The following SGK1 variants were observed in gnomAD, a reference collection of about 807,000 sequenced individuals.
SGK1 encodes serum/glucocorticoid regulated kinase 1, also known as serine/threonine-protein kinase Sgk1.
A neutral mutation model predicts 64.2 loss-of-function variants in SGK1; 26 were observed. The observed-to-expected ratio is 0.40, with a 90% CI of 0.30 to 0.56. SGK1 has a LOEUF of 0.56. Among genes scored for constraint, SGK1 ranks in the 20% least tolerant of loss-of-function variants. The pLI, the probability that SGK1 is intolerant of heterozygous loss-of-function variation, is 0.38. For missense variants in SGK1, 519 were observed against 645.6 expected, an observed-to-expected ratio of 0.80 and a Z score of 2.12; for synonymous variants, 265 against 239.7, an observed-to-expected ratio of 1.11 and a Z score of -0.98.
chr6:134,174,875 G>A (rs988784695), intron 3 of SGK1: 1 of 1,607,386 alleles, frequency 6.2e-7, no homozygotes, highest in Non-Finnish European at 8.5e-7. Context: ...GCGCCAGGCC[G>A]CGCGCTCGGC....
rs552922252 is a variant in SGK1 at position 134,174,615 on chromosome 6, A to G, written c.362-29T>C. On this transcript the variant is annotated intron_variant, in intron 3 of 13. Coordinates refer to ENST00000367858, the MANE Select transcript of SGK1 (RefSeq NM_001143676.3). ...TGGATGAAGGAGGAGAAATAAAGAA[A>G]CGTTTAGACGGCTTCATAACGTCCG... The G allele has an allele frequency of 3.1e-6, 5 of 1,609,364 alleles. No individual in the cohort carries two copies. In the South Asian group the frequency reaches 5.5e-5, roughly 18 times the overall value.
intron 3 of SGK1, among the ~76,000 whole-genome samples, chr6:134,206,677 GC>G (rs1775791038): frequency 6.6e-6 from 1 of 151,002 alleles, no homozygotes; most frequent in African/African-American, 2.4e-5. Context: ...GACCAGCCTG[GC>G]TAACATGGTG....
At chr6:134,253,201 A>T (rs1776630777) in intron 2 of SGK1, among the ~76,000 whole-genome samples, 1 of 152,232 alleles carries the variant, frequency 6.6e-6, no homozygotes, top group African/African-American at 2.4e-5. Context: ...GTCAGAATCC[A>T]TCCCAGAATT....
chr6:134,226,382 TTTTTA>T (rs1489318831), intron 2 of SGK1, among the ~76,000 whole-genome samples: 1 of 151,996 alleles, frequency 6.6e-6, no homozygotes, highest in Admixed American at 6.6e-5. Flanking sequence ...CTTTTAAAGA[TTTTTA>T]TTTTGTTTTT....
chr6:134,197,956 CAG>C (rs1472091246), intron 3 of SGK1, among the ~76,000 whole-genome samples: 2 of 151,488 alleles, frequency 1.3e-5, no homozygotes, highest in Non-Finnish European at 2.9e-5. Context: ...TGTCAGTTAA[CAG>C]GGGGACCAAA....
At chr6:134,277,713 G>T (rs765978797) in intron 1 of SGK1, among the ~76,000 whole-genome samples, 1 of 152,104 alleles carries the variant, frequency 6.6e-6, no homozygotes, top group Non-Finnish European at 1.5e-5. Flanking sequence ...ACACCATATA[G>T]CTCTTAAACT....
intron 1 of SGK1, among the ~76,000 whole-genome samples, chr6:134,285,089 T>C (rs1349313410): frequency 1.3e-5 from 2 of 152,178 alleles, no homozygotes; most frequent in African/African-American, 4.8e-5. Context: ...TAGTTCTACT[T>C]ATAGTTCTTT....
chr6:134,190,310 G>C (rs191485546), intron 3 of SGK1, among the ~76,000 whole-genome samples: 1 of 139,202 alleles, frequency 7.2e-6, no homozygotes, highest in Non-Finnish European at 1.5e-5. Context: ...TTTTGAGATA[G>C]AGTCTGGCTG....
At chr6:134,178,588 C>T (rs1486914738) in intron 3 of SGK1, among the ~76,000 whole-genome samples, 2 of 152,194 alleles carry the variant, frequency 1.3e-5, no homozygotes, top group African/African-American at 4.8e-5. Flanking sequence ...GGCCCCTTTC[C>T]TCATACTCCC....
chr6:134,198,718 C>CTT (rs1167394718), intron 3 of SGK1, among the ~76,000 whole-genome samples: 1 of 105,402 alleles, frequency 9.5e-6, no homozygotes, highest in African/African-American at 3.7e-5. Context: ...TTCTTTTTCT[C>CTT]TTTTTCTATT....
chr6:134,202,536 G>A (rs866022484), intron 3 of SGK1, among the ~76,000 whole-genome samples: 1 of 152,242 alleles, frequency 6.6e-6, no homozygotes, highest in Non-Finnish European at 1.5e-5. Flanking sequence ...AGCTACTTGG[G>A]AGGCTGAGAC....
At chr6:134,248,525 C>G (rs1776559707) in intron 2 of SGK1, among the ~76,000 whole-genome samples, 1 of 148,220 alleles carries the variant, frequency 6.7e-6, no homozygotes, top group Non-Finnish European at 1.5e-5. Flanking sequence ...AATCCCAGCT[C>G]ACTGCAACCT....
intron 3 of SGK1, among the ~76,000 whole-genome samples, chr6:134,176,683 C>T (rs149285438): frequency 5.3e-5 from 8 of 152,368 alleles, no homozygotes; most frequent in African/African-American, 1.9e-4. Flanking sequence ...CCTACTGGAT[C>T]TGGCACAGTC....
intron 2 of SGK1, chr6:134,259,699 T>C (rs1161887889): frequency 1.3e-5 from 2 of 152,190 alleles, no homozygotes; most frequent in Non-Finnish European, 2.9e-5. Flanking sequence ...AGTTAGAGAC[T>C]GTATTTTAGG....
intron 2 of SGK1, among the ~76,000 whole-genome samples, chr6:134,235,185 T>G (rs1471317137): frequency 6.6e-6 from 1 of 152,142 alleles, no homozygotes. Flanking sequence ...CAAAATAAGA[T>G]GCAGGTGGAG....
chr6:134,256,606 T>A (rs543319282), intron 2 of SGK1, among the ~76,000 whole-genome samples: 2 of 152,262 alleles, frequency 1.3e-5, no homozygotes, highest in Non-Finnish European at 2.9e-5. Context: ...AGCATACACC[T>A]CTCGAAAAAC....
intron 2 of SGK1, among the ~76,000 whole-genome samples, chr6:134,228,856 T>G (rs1776230490): frequency 6.8e-6 from 1 of 146,762 alleles, no homozygotes; most frequent in African/African-American, 2.6e-5. Flanking sequence ...TTTTTTTTTT[T>G]TTTTTGAGAC....
intron 2 of SGK1, among the ~76,000 whole-genome samples, chr6:134,219,886 C>T (rs1776055439): frequency 7.0e-6 from 1 of 142,850 alleles, no homozygotes; most frequent in South Asian, 2.2e-4. Flanking sequence ...GGTGAAACCC[C>T]GTCTCTACTA....
intron 3 of SGK1, among the ~76,000 whole-genome samples, chr6:134,184,335 T>TA (rs1271756868): frequency 3.3e-5 from 5 of 150,740 alleles, no homozygotes; most frequent in Non-Finnish European, 1.5e-5. Flanking sequence ...CGTCCCTACT[T>TA]AAAAAAAATA....
Sources: gnomAD v4.1 joint callset for allele counts (sites outside exome capture counted in the v4.1 genomes callset) on GRCh38, gnomAD v4.1.1 for gene constraint, MANE v1.5 for transcripts, NCBI Gene and HGNC (gene_info 2026-07-23, HGNC 2026-07-21) for gene names.